Variants in RORA observed in about 807,000 individuals in gnomAD.
RORA encodes RAR related orphan receptor A.
RORA carries 7 observed loss-of-function variants against 69.5 expected under a neutral mutation model. The ratio of observed to expected loss-of-function variants is 0.10; its 90% CI spans 0.06 to 0.19. RORA has a LOEUF of 0.19. Among genes scored for constraint, RORA ranks in the 10% least tolerant of loss-of-function variants. The pLI, the probability that RORA is intolerant of heterozygous loss-of-function variation, is 1.00. For synonymous variants in RORA, 261 were observed against 240.8 expected, an observed-to-expected ratio of 1.08 and a Z score of -0.78; for missense variants, 457 against 663.0, an observed-to-expected ratio of 0.69 and a Z score of 3.41.
At chr15:61,210,648 A>G (rs1322792671) in intron 1 of RORA, among the ~76,000 whole-genome samples, 1 of 152,218 alleles carries the variant, frequency 6.6e-6, no homozygotes, top group African/African-American at 2.4e-5. Flanking sequence ...TTTTATGTAA[A>G]CTAAGAAAAA....
intron 1 of RORA, among the ~76,000 whole-genome samples, chr15:60,882,899 G>A (rs767789257): frequency 1.3e-5 from 2 of 152,062 alleles, no homozygotes; most frequent in Non-Finnish European, 2.9e-5. Flanking sequence ...CGAAGTGGGA[G>A]AATCACCTGA....
intron 1 of RORA, among the ~76,000 whole-genome samples, chr15:61,016,635 T>A (rs1041687057): frequency 6.6e-6 from 1 of 152,142 alleles, no homozygotes; most frequent in Non-Finnish European, 1.5e-5. Flanking sequence ...TACATCGTCA[T>A]AAGCTACGCC....
rs567879273 is a variant in RORA, at chr15:61,063,793, T to C, written c.166+165260A>G. On this transcript the variant is annotated intron_variant, in intron 1 of 10. Transcript: ENST00000335670. ...GAAAAAGAACACTAAATGACAGTTT[T>C]TCCATTTAAAATTCCCAAATCAGGT... is the stretch of plus-strand genomic sequence containing the variant. 5.3e-5 allele frequency among the ~76,000 whole-genome samples: 8 copies of C among 152,332 alleles called. 1 individual carries two copies. In the South Asian group the frequency reaches 8.3e-4, roughly 16 times the overall value.
Position 60,497,951 on chromosome 15 carries a change from C to T in RORA, c.1408-332G>A, listed in dbSNP as rs139188618. On this transcript the variant is annotated intron_variant, in intron 10 of 10. Transcript: ENST00000335670. ...GCGTGCGCCTGTAATCCCAGCTACT[C>T]GGGAGGCTGAGGCAGGAGAATTGCT... 3.3e-3 allele frequency among the ~76,000 whole-genome samples: 495 copies of T among 151,676 alleles called. 10 individuals are homozygous for T. Among genetic ancestry groups the T allele is most frequent in the East Asian group, 0.014 (73 of 5,144 alleles).
At position 60,872,477 on chromosome 15, in the gene RORA, CCAGGGTCTCT is replaced by C. The variant is rs1338964943; in HGVS notation, c.167-193801_167-193792del. Among the ~76,000 whole-genome samples the C allele has an allele frequency of 2.6e-5, 4 of 152,216 alleles. No individual in the cohort carries two copies. The East Asian group carries it at 7.7e-4, about 29-fold the overall frequency. ...TTCGAATGGTACCTGAGAGACCACACCAGGGTCTCTCAGGGTGCACAGAATTTAGCAACCA... is the reference window on the plus strand; with the variant it reads ...TTCGAATGGTACCTGAGAGACCACACCAGGGTGCACAGAATTTAGCAACCA... On this transcript the variant is annotated intron_variant, in intron 1 of 10. Coordinates refer to ENST00000335670, the MANE Select transcript of RORA (RefSeq NM_134261.3).
At chr15:61,111,483 C>A (rs1054056572) in intron 1 of RORA, among the ~76,000 whole-genome samples, 1 of 152,150 alleles carries the variant, frequency 6.6e-6, no homozygotes, top group African/African-American at 2.4e-5. Flanking sequence ...TAATTCAATA[C>A]GGCTCTTGAG....
rs547302276 is a variant in RORA at position 60,909,061 on chromosome 15, T to C, written c.167-230375A>G. 2.4e-4 allele frequency among the ~76,000 whole-genome samples: 37 copies of C among 152,222 alleles called. 1 individual carries two copies. In the South Asian group the frequency reaches 7.7e-3, roughly 32 times the overall value. On this transcript the variant is annotated intron_variant, in intron 1 of 10. Transcript: ENST00000335670. ...TCACACCACCCATCTCCAGGCAAGT[T>C]GAAGCATGTCCTGGAAAGCCACCTG...
intron 9 of RORA, 86 bp from the exon 10 acceptor site, chr15:60,500,090 T>C: frequency 2.5e-6 from 2 of 786,664 alleles, no homozygotes; most frequent in Non-Finnish European, 4.1e-6. Flanking sequence ...ATACGGATAA[T>C]TATATCACAA....
chr15:60,880,646 A>G (rs889616265), intron 1 of RORA, among the ~76,000 whole-genome samples: 4 of 152,174 alleles, frequency 2.6e-5, no homozygotes, highest in South Asian at 4.1e-4. Flanking sequence ...AAAAAAACCA[A>G]TGAATTTCAA....
At chr15:61,203,729 A>T (rs1220249374) in intron 1 of RORA, among the ~76,000 whole-genome samples, 1 of 152,244 alleles carries the variant, frequency 6.6e-6, no homozygotes, top group Non-Finnish European at 1.5e-5. Flanking sequence ...AGAATAAATA[A>T]ATAGATCCAT....
intron 1 of RORA, among the ~76,000 whole-genome samples, chr15:60,985,620 C>G (rs1894178548): frequency 1.6e-5 from 2 of 122,810 alleles, no homozygotes; most frequent in Non-Finnish European, 3.2e-5. Context: ...GGGTCTCACT[C>G]TGTCACGAGG....
intron 2 of RORA, among the ~76,000 whole-genome samples, chr15:60,550,538 G>A (rs979990789): frequency 6.6e-6 from 1 of 152,152 alleles, no homozygotes; most frequent in Non-Finnish European, 1.5e-5. Context: ...AGTGTTACCA[G>A]TTTTCAATCC....
chr15:60,596,472 G>A (rs1298424526), intron 2 of RORA, among the ~76,000 whole-genome samples: 1 of 152,096 alleles, frequency 6.6e-6, no homozygotes, highest in Non-Finnish European at 1.5e-5. Context: ...GGTTGACATA[G>A]AGCCAGGGGA....
At chr15:60,711,694 G>A (rs1338125402) in intron 1 of RORA, among the ~76,000 whole-genome samples, 1 of 152,122 alleles carries the variant, frequency 6.6e-6, no homozygotes, top group Non-Finnish European at 1.5e-5. Context: ...CTAACCTTCT[G>A]TCTCTTTTGG....
chr15:60,693,113 G>A (rs937340823), intron 1 of RORA, among the ~76,000 whole-genome samples: 4 of 152,074 alleles, frequency 2.6e-5, no homozygotes, highest in African/African-American at 9.7e-5. Flanking sequence ...TGATCAAATT[G>A]GCTTCATCCC....
intron 1 of RORA, among the ~76,000 whole-genome samples, chr15:61,070,415 C>A (rs1299258532): frequency 1.3e-5 from 2 of 152,216 alleles, no homozygotes; most frequent in Non-Finnish European, 2.9e-5. Context: ...GTAGAAGAGA[C>A]CCCAACACCA....
At chr15:60,891,872 A>G (rs1315024462) in intron 1 of RORA, among the ~76,000 whole-genome samples, 1 of 152,076 alleles carries the variant, frequency 6.6e-6, no homozygotes. Flanking sequence ...TATGGTCACC[A>G]CCTCCTGGAT....
chr15:60,862,431 G>A (rs906263834), intron 1 of RORA, among the ~76,000 whole-genome samples: 7 of 152,224 alleles, frequency 4.6e-5, no homozygotes, highest in African/African-American at 1.7e-4. Flanking sequence ...TAAAGAGGGA[G>A]GCTAGCATCC....
In RORA at chr15:60,707,413, G is replaced by A. The variant is rs184864627; in HGVS notation, c.167-28727C>T. 2.4e-3 allele frequency among the ~76,000 whole-genome samples: 368 copies of A among 151,160 alleles called. 3 individuals carry two copies. The Middle Eastern group carries it at 0.055, about 23-fold the overall frequency. On this transcript the variant is annotated intron_variant, in intron 1 of 10. Transcript: ENST00000335670. The stretch of plus-strand genomic sequence containing the variant: ...GAGTCTTGCTCTGTCACCCAGGCTG[G>A]AGTGCAATGGCGTGATCTCGGCTCA...
Sources: allele counts gnomAD v4.1 joint callset (sites outside exome capture counted in the v4.1 genomes callset), GRCh38; gene constraint gnomAD v4.1.1; transcripts MANE v1.5; gene names NCBI Gene and HGNC (gene_info 2026-07-23, HGNC 2026-07-21).